SNRNP48: variants seen among roughly 807,000 people sequenced by gnomAD.
SNRNP48 encodes U11/U12 small nuclear ribonucleoprotein 48 kDa protein.
SNRNP48 carries 43 observed loss-of-function variants against 47.0 expected under a neutral mutation model. That is an observed-to-expected ratio of 0.92 (90% CI 0.72 to 1.18). The LOEUF is 1.18. Among genes scored for constraint, SNRNP48 ranks in the 50% most tolerant of loss-of-function variants. The pLI is 0.00. For synonymous variants in SNRNP48, 138 were observed against 144.0 expected (o/e 0.96, Z 0.30); for missense variants, 396 against 422.2 (o/e 0.94, Z 0.54).
Position 7,594,145 on chromosome 6 carries a change from C to A in SNRNP48, c.317C>A (p.Pro106His). 7.2e-7 allele frequency: 1 copy of A among 1,382,758 alleles called. No homozygotes were observed. Among genetic ancestry groups the A allele is most frequent in the Non-Finnish European group, 9.8e-7 (1 of 1,018,004 alleles). The allele number at this position is 1,382,758 out of a possible 1,614,324, so 85.7% of individuals were successfully genotyped here. A position where few individuals can be genotyped will look rare whatever the true frequency, so the allele number is the denominator to read the frequency against. The change falls in exon 3 of 9, where the codon CCT becomes CAT. Residue 106 changes from proline (P) to histidine (H), a missense_variant. Pro to His is a moderately conservative substitution (Grantham distance 77, BLOSUM62 -2). Transcript: ENST00000342415. The part of the protein sequence containing the change: ...PEFFYENVKI[P>H]SITLNKDSQF... ...TTTTTCTATGAAAATGTGAAGATAC[C>A]TTCGATTACTTTGAGTAAGTATTAA...
At chr6:7,597,587 T>A (rs1261542615) in intron 4 of SNRNP48, among the ~76,000 whole-genome samples, 1 of 152,216 alleles carries the variant, frequency 6.6e-6, no homozygotes, top group African/African-American at 2.4e-5. Context: ...ATTGGTAGCT[T>A]CTATGGTCTA....
At chr6:7,595,512 T>G (rs1174572654) in intron 4 of SNRNP48, among the ~76,000 whole-genome samples, 1 of 152,258 alleles carries the variant, frequency 6.6e-6, no homozygotes, top group Non-Finnish European at 1.5e-5. Flanking sequence ...CTAGTGATTC[T>G]TTTATCAGAC....
rs1760228119 is a variant in SNRNP48 at position 7,611,211 on chromosome 6, GT to G, written c.*2344del. The G allele has an allele frequency of 2.0e-5, 3 of 152,200 alleles. No individual in the cohort carries two copies. The highest frequency in any genetic ancestry group is 6.6e-5 in the Admixed American group (1 of 15,262). The allele number at this position is 152,200 out of a possible 1,614,324, so 9.4% of individuals were successfully genotyped here. A position where few individuals can be genotyped will look rare whatever the true frequency, so the allele number is the denominator to read the frequency against. ...CCACTACACCTGGCTAATGTTTTTA[GT>G]TTTTTAGAGATGGAGTCTTGCTCTG... On this transcript the variant is annotated 3_prime_UTR_variant, in exon 9 of 9. Coordinates refer to ENST00000342415, the MANE Select transcript of SNRNP48 (RefSeq NM_152551.4).
intron 4 of SNRNP48, chr6:7,599,622 G>T (rs1336820260): frequency 2.8e-6 from 3 of 1,074,694 alleles, no homozygotes; most frequent in Non-Finnish European, 3.7e-6. Context: ...TGTTCCGAAT[G>T]AATTGAATGC....
chr6:7,602,107 G>C (rs1398804610), intron 5 of SNRNP48, among the ~76,000 whole-genome samples: 1 of 152,128 alleles, frequency 6.6e-6, no homozygotes. Flanking sequence ...TCCTGTCTTG[G>C]CCTCCCAAAG....
intron 5 of SNRNP48, 41 bp from the exon 6 acceptor site, chr6:7,602,582 G>A: frequency 7.0e-7 from 1 of 1,435,186 alleles, no homozygotes; most frequent in Non-Finnish European, 9.4e-7. Context: ...GAATTTAAAA[G>A]CTTTGAAGGA....
chr6:7,600,148 A>G (rs998277725), intron 4 of SNRNP48: 1 of 994,090 alleles, frequency 1.0e-6, no homozygotes, highest in Non-Finnish European at 1.2e-6. Flanking sequence ...CATTAATTCA[A>G]AACCCTTTGA....
chr6:7,602,610 A>G lies in SNRNP48; in HGVS notation c.596-13A>G, dbSNP rs1760048030. 2 of 1,557,010 alleles carry G rather than the reference A, an allele frequency of 1.3e-6. No individual in the cohort carries two copies. Among genetic ancestry groups the G allele is most frequent in the African/African-American group, 2.8e-5 (2 of 71,754 alleles). ...TTGAAGGATATAATACTTTTATTTT[A>G]TTCTTTCATTAGACAATAGTCGAAA... On this transcript the variant is annotated splice_polypyrimidine_tract_variant and intron_variant, in intron 5 of 8. Coordinates refer to ENST00000342415, the MANE Select transcript of SNRNP48 (RefSeq NM_152551.4).
Position 7,590,336 on chromosome 6 carries a change from C to T in SNRNP48, c.79C>T (p.Arg27Trp), listed in dbSNP as rs781779283. ...GAACGAGTTCGTGGAGAGCGGCTGC[C>T]GGACGTTGGAGGAGGTGACCGCGTC... The part of the protein sequence containing the change: ...ELNEFVESGC[R>W]TLEEVTASLG... Residue 27 changes from arginine to tryptophan, a missense_variant, in exon 1 of 9, where the codon CGG becomes TGG. Transcript: ENST00000342415. 1.4e-6 allele frequency: 2 copies of T among 1,403,276 alleles called. No homozygotes were observed. Among genetic ancestry groups the T allele is most frequent in the South Asian group, 1.8e-5 (1 of 56,422 alleles). 86.9% of individuals were successfully genotyped at this position (1,403,276 alleles called of 1,614,324 possible). A position where few individuals can be genotyped will look rare whatever the true frequency, so the allele number is the denominator to read the frequency against.
Position 7,590,433 on chromosome 6 carries a change from G to A in SNRNP48, c.156+20G>A, listed in dbSNP as rs1233933051. On this transcript the variant is annotated intron_variant, in intron 1 of 8. Transcript: ENST00000342415. ...GCGGAGGTGAGGAGCGCGGCCGCGG[G>A]GCCCTTTCGGGGACTATCGGCCCGG... 4 of 1,281,178 alleles carry A rather than the reference G, an allele frequency of 3.1e-6. No homozygotes were observed. The East Asian group carries it at 9.3e-5, about 30-fold the overall frequency. The allele number at this position is 1,281,178 out of a possible 1,614,324, so 79.4% of individuals were successfully genotyped here.
rs1211759470 is a variant in SNRNP48, at chr6:7,606,095, G to T, written c.871G>T (p.Glu291Ter). 4 of 1,613,554 alleles carry T rather than the reference G, an allele frequency of 2.5e-6. No homozygotes were observed. Among genetic ancestry groups the T allele is most frequent in the Non-Finnish European group, 3.4e-6 (4 of 1,179,880 alleles). The change falls in exon 8 of 9, where the codon GAG (glutamate) becomes TAG (stop). Residue 291 changes from glutamate (E) to a stop codon, truncating the protein, a stop_gained. Transcript: ENST00000342415. LOFTEE classifies it high-confidence loss of function. ...RQSGGSYLDA[E>*]CSRHRRDRSR... ...GTCTGGTGGAAGCTATTTGGATGCT[G>T]AGTGTTCACGACATAGAAGGGATAG...
chr6:7,603,441 CT>C (rs1333624132), intron 6 of SNRNP48, among the ~76,000 whole-genome samples: 1 of 152,130 alleles, frequency 6.6e-6, no homozygotes, highest in Non-Finnish European at 1.5e-5. Context: ...CGTATTATTT[CT>C]TACTTCTCTC....
rs1327339165 is a variant in SNRNP48, at chr6:7,590,270, C to A, written c.13C>A (p.Pro5Thr). The A allele has an allele frequency of 2.2e-6, 3 of 1,350,326 alleles. No homozygotes were observed. The highest frequency in any genetic ancestry group is 3.0e-5 in the Admixed American group (1 of 33,058). The allele number at this position is 1,350,326 out of a possible 1,614,324, so 83.6% of individuals were successfully genotyped here. A position where few individuals can be genotyped will look rare whatever the true frequency, so the allele number is the denominator to read the frequency against. MEGE[P>T]PPVEERRRLQ... ...GTGGGCTGCAGCTATGGAGGGCGAG[C>A]CTCCACCTGTGGAGGAGCGGCGGCG... Residue 5 changes from proline (P) to threonine (T), a missense_variant, in exon 1 of 9, where the codon CCT (proline) becomes ACT (threonine). Pro to Thr is a conservative substitution (Grantham distance 38, BLOSUM62 -1). Coordinates refer to ENST00000342415, the MANE Select transcript of SNRNP48 (RefSeq NM_152551.4).
intron 8 of SNRNP48, among the ~76,000 whole-genome samples, chr6:7,607,202 T>TA (rs913505919): frequency 6.6e-5 from 10 of 152,164 alleles, no homozygotes; most frequent in Non-Finnish European, 1.2e-4. Context: ...CCTGTGGTCC[T>TA]AGCCACTTGT....
intron 4 of SNRNP48, chr6:7,599,808 A>G (rs1376478667): frequency 1.7e-5 from 20 of 1,208,832 alleles, no homozygotes; most frequent in Non-Finnish European, 2.1e-5. Context: ...GTCACATATT[A>G]TAGTCTTGAA....
rs377477246 is a variant in SNRNP48, at chr6:7,605,477, A to G, written c.797A>G (p.Asp266Gly). 1 of 1,613,836 alleles carries G rather than the reference A, an allele frequency of 6.2e-7. No homozygotes were observed. The highest frequency in any genetic ancestry group is 1.3e-5 in the African/African-American group (1 of 74,934). ...WQEEQEKAED[D>G]AEKNEERRSA... The stretch of plus-strand genomic sequence containing the variant: ...GAAGAGCAAGAGAAGGCAGAGGATG[A>G]TGCCGAAAAGTACGTCATTATCTTT... The change falls in exon 7 of 9, where the codon GAT (aspartate) becomes GGT (glycine). Residue 266 changes from aspartate to glycine, a missense_variant. Asp to Gly is a moderately conservative substitution (Grantham distance 94). Coordinates refer to ENST00000342415, the MANE Select transcript of SNRNP48 (RefSeq NM_152551.4).
chr6:7,593,732 A>G lies in SNRNP48; in HGVS notation c.157-2A>G, dbSNP rs766083623. 6.5e-7 allele frequency: 1 copy of G among 1,542,246 alleles called. No homozygotes were observed. ...TTCTTTGTTTCTGTTTGATTTTTAT[A>G]GGATGAAGTTGTGATATGTCCATAC... On this transcript the variant is annotated splice_acceptor_variant, in intron 1 of 8. Coordinates refer to ENST00000342415, the MANE Select transcript of SNRNP48 (RefSeq NM_152551.4). LOFTEE classifies it high-confidence loss of function.
chr6:7,607,355 T>C (rs1468524777), intron 8 of SNRNP48, among the ~76,000 whole-genome samples: 1 of 152,194 alleles, frequency 6.6e-6, no homozygotes, highest in Non-Finnish European at 1.5e-5. Flanking sequence ...AAATTCACAT[T>C]CTTTGAATGG....
At chr6:7,607,982 T>G (rs1322730583) in intron 8 of SNRNP48, among the ~76,000 whole-genome samples, 1 of 152,240 alleles carries the variant, frequency 6.6e-6, no homozygotes, top group African/African-American at 2.4e-5. Context: ...CTATAGTGCT[T>G]CTTCTACTTA....
Sources: gnomAD v4.1 joint callset for allele counts (sites outside exome capture counted in the v4.1 genomes callset) on GRCh38, gnomAD v4.1.1 for gene constraint, MANE v1.5 for transcripts, NCBI Gene and HGNC (gene_info 2026-07-23, HGNC 2026-07-21) for gene names.